Variants in TSPAN19 observed in about 807,000 individuals in gnomAD.
TSPAN19 encodes tetraspanin-19.
In TSPAN19, 44 loss-of-function variants were observed where a neutral mutation model predicts 35.1. That is an observed-to-expected ratio of 1.25 (90% confidence interval 0.98 to 1.61). TSPAN19 has a LOEUF of 1.61. Among genes scored for constraint, TSPAN19 ranks in the 40% most tolerant of loss-of-function variants. The probability of loss-of-function intolerance (pLI) is 0.00; values close to 1 mark genes in which losing one functional copy is unlikely to be tolerated. For synonymous variants in TSPAN19, 79 were observed against 92.0 expected, an observed-to-expected ratio of 0.86 and a Z score of 0.81; for missense variants, 290 against 280.0, an observed-to-expected ratio of 1.04 and a Z score of -0.26.
chr12:85,022,029 T>C (rs766485965), intron 5 of TSPAN19, among the ~76,000 whole-genome samples: 68 of 152,076 alleles, frequency 4.5e-4, no homozygotes, highest in African/African-American at 1.4e-3. Context: ...GTGCATAACA[T>C]TGAAGCAAAT....
intron 4 of TSPAN19, among the ~76,000 whole-genome samples, chr12:85,026,017 C>A (rs368210121): frequency 2.0e-5 from 3 of 152,162 alleles, no homozygotes; most frequent in African/African-American, 7.2e-5. Flanking sequence ...TATCTTGGTT[C>A]CAGGCCCTAA....
chr12:85,023,095 A>T (rs929308852), intron 5 of TSPAN19, among the ~76,000 whole-genome samples: 12 of 152,134 alleles, frequency 7.9e-5, no homozygotes, highest in African/African-American at 2.4e-4. Flanking sequence ...ATTTAAAGCT[A>T]CTTTCTAATC....
At chr12:85,019,981 A>T (rs563585079) in intron 5 of TSPAN19, among the ~76,000 whole-genome samples, 3 of 151,992 alleles carry the variant, frequency 2.0e-5, no homozygotes, top group Admixed American at 6.6e-5. Flanking sequence ...AGGAAGAAGT[A>T]ATGTGCTATT....
intron 1 of TSPAN19, among the ~76,000 whole-genome samples, chr12:85,031,426 C>T (rs577901139): frequency 1.3e-5 from 2 of 152,110 alleles, no homozygotes; most frequent in African/African-American, 2.4e-5. Context: ...GGTCTTGGCC[C>T]CTGTCTGTGA....
At chr12:85,021,049 G>A (rs1041439411) in intron 5 of TSPAN19, among the ~76,000 whole-genome samples, 2 of 151,922 alleles carry the variant, frequency 1.3e-5, no homozygotes, top group African/African-American at 4.8e-5. Context: ...AAGGTAGAAC[G>A]ATTGTCGTAG....
At chr12:85,035,544 A>AT (rs1309404633) in intron 1 of TSPAN19, among the ~76,000 whole-genome samples, 5 of 151,748 alleles carry the variant, frequency 3.3e-5, no homozygotes, top group African/African-American at 7.3e-5. Context: ...AATGTAGTCT[A>AT]TTTTTTTTCC....
At chr12:85,026,370 G>T (rs1237343328) in intron 4 of TSPAN19, among the ~76,000 whole-genome samples, 1 of 151,952 alleles carries the variant, frequency 6.6e-6, no homozygotes, top group African/African-American at 2.4e-5. Context: ...TGAGAAGAGA[G>T]GGTTGGCCTT....
intron 5 of TSPAN19, among the ~76,000 whole-genome samples, chr12:85,021,186 G>T (rs1877102590): frequency 6.6e-6 from 1 of 151,982 alleles, no homozygotes; most frequent in African/African-American, 2.4e-5. Flanking sequence ...GACACTCAGA[G>T]AATTTAATTA....
intron 4 of TSPAN19, among the ~76,000 whole-genome samples, chr12:85,023,928 A>T (rs1198601178): frequency 1.3e-5 from 2 of 152,098 alleles, no homozygotes; most frequent in African/African-American, 4.8e-5. Context: ...ATTTTTTTTT[A>T]AATGGCCAAT....
chr12:85,033,229 A>G (rs1311588409), intron 1 of TSPAN19, among the ~76,000 whole-genome samples: 1 of 152,102 alleles, frequency 6.6e-6, no homozygotes, highest in East Asian at 1.9e-4. Flanking sequence ...AGGGAACACT[A>G]TGTTCAGAAG....
chr12:85,021,911 T>G (rs904429077), intron 5 of TSPAN19, among the ~76,000 whole-genome samples: 2 of 152,106 alleles, frequency 1.3e-5, no homozygotes, highest in Non-Finnish European at 2.9e-5. Context: ...CTTTAGGGGT[T>G]GCTATGAGGA....
At chr12:85,033,476 A>G (rs1462954140) in intron 1 of TSPAN19, among the ~76,000 whole-genome samples, 1 of 152,094 alleles carries the variant, frequency 6.6e-6, no homozygotes, top group Non-Finnish European at 1.5e-5. Flanking sequence ...CAGTATCACA[A>G]TATGAGAGAT....
chr12:85,029,698 AAAAC>A lies in TSPAN19; in HGVS notation c.139+17_139+20del. The A allele has an allele frequency of 2.0e-6, 3 of 1,519,486 alleles. No homozygotes were observed. Among genetic ancestry groups the A allele is most frequent in the Non-Finnish European group, 2.7e-6 (3 of 1,131,568 alleles). 94.1% of individuals were successfully genotyped at this position (1,519,486 alleles called of 1,614,324 possible). A position where few individuals can be genotyped will look rare whatever the true frequency, so the allele number is the denominator to read the frequency against. ...ATTGAATGTCTATTTCACTGAGAGA[AAAAC>A]AAAAATAGATACATACCAAAAGCTG... On this transcript the variant is annotated intron_variant, in intron 3 of 8. Coordinates refer to ENST00000532498, the MANE Select transcript of TSPAN19 (RefSeq NM_001100917.2).
At chr12:85,026,176 C>G (rs1029170450) in intron 4 of TSPAN19, among the ~76,000 whole-genome samples, 1 of 152,074 alleles carries the variant, frequency 6.6e-6, no homozygotes, top group African/African-American at 2.4e-5. Context: ...TTTCCTATCC[C>G]CTGCCCACTA....
chr12:85,023,248 G>T, intron 5 of TSPAN19, 78 bp downstream of exon 5: 2 of 1,197,120 alleles, frequency 1.7e-6, no homozygotes, highest in Non-Finnish European at 1.2e-6. Flanking sequence ...AGGATCAATG[G>T]TCTCAATACT....
intron 1 of TSPAN19, among the ~76,000 whole-genome samples, chr12:85,034,047 G>T (rs1012539165): frequency 6.6e-6 from 1 of 152,086 alleles, no homozygotes; most frequent in African/African-American, 2.4e-5. Flanking sequence ...TCTGTGAAGT[G>T]GTTGGTCATG....
At position 85,029,718 on chromosome 12, in the gene TSPAN19, C is replaced by G; in HGVS notation, c.139+1G>C. 1 of 1,537,776 alleles carries G rather than the reference C, an allele frequency of 6.5e-7. No homozygotes were observed. Among genetic ancestry groups the G allele is most frequent in the Non-Finnish European group, 8.8e-7 (1 of 1,142,188 alleles). On this transcript the variant is annotated splice_donor_variant, in intron 3 of 8. Coordinates refer to ENST00000532498, the MANE Select transcript of TSPAN19 (RefSeq NM_001100917.2). LOFTEE classifies it high-confidence loss of function. ...AGAGAAAAACAAAAATAGATACATA[C>G]CAAAAGCTGTTAAAAAATTATTTCT... is the stretch of plus-strand genomic sequence containing the variant.
intron 8 of TSPAN19, chr12:85,014,772 A>G: frequency 2.7e-6 from 1 of 375,520 alleles, no homozygotes; most frequent in Admixed American, 4.6e-5. Flanking sequence ...TCACGTACAG[A>G]GGAGAATAAG....
At chr12:85,026,745 G>A (rs574687665) in intron 4 of TSPAN19, among the ~76,000 whole-genome samples, 1 of 152,142 alleles carries the variant, frequency 6.6e-6, no homozygotes, top group African/African-American at 2.4e-5. Context: ...TCACTGATAT[G>A]CCTGTATGGG....
Sources: gnomAD v4.1 joint callset for allele counts (sites outside exome capture counted in the v4.1 genomes callset) on GRCh38, gnomAD v4.1.1 for gene constraint, MANE v1.5 for transcripts, NCBI Gene and HGNC (gene_info 2026-07-23, HGNC 2026-07-21) for gene names.